PLAC8: variants seen among roughly 807,000 people sequenced by gnomAD.
The protein encoded by PLAC8 is placenta associated 8, also known as placenta-specific gene 8 protein.
A neutral mutation model predicts 12.6 loss-of-function variants in PLAC8; 6 were observed. That is an observed-to-expected ratio of 0.48 (90% CI 0.26 to 0.94). The LOEUF (loss-of-function observed/expected upper bound fraction) is 0.94, where lower values mean the gene tolerates loss of function less well. PLAC8 is among the 40% of genes least tolerant of loss of function. PLAC8 has a pLI of 0.14. For missense variants in PLAC8, 122 were observed against 152.7 expected (o/e 0.80, Z 1.06); for synonymous variants, 54 against 52.6 (o/e 1.03, Z -0.11).
intron 4 of PLAC8, chr4:83,092,810 C>CTTTTTTTTTTTTTTTTTTTTTTTTTTT (rs70946966): frequency 1.2e-5 from 1 of 84,886 alleles, no homozygotes; most frequent in Non-Finnish European, 2.2e-5. Flanking sequence ...TTTTCTTTTC[C>CTTTTTTTTTTTTTTTTTTTTTTTTTTT]TTTTTTTTTT....
chr4:83,098,413 T>A (rs1030631802), intron 3 of PLAC8, among the ~76,000 whole-genome samples: 1 of 152,212 alleles, frequency 6.6e-6, no homozygotes, highest in East Asian at 1.9e-4. Flanking sequence ...TTCTGTTTGA[T>A]GGAAAATTAT....
At chr4:83,113,232 G>A (rs985305247) in intron 1 of PLAC8, among the ~76,000 whole-genome samples, 3 of 152,164 alleles carry the variant, frequency 2.0e-5, no homozygotes, top group Non-Finnish European at 4.4e-5. Flanking sequence ...ACGGCTTGGT[G>A]AGCACGTAGC....
intron 1 of PLAC8, among the ~76,000 whole-genome samples, chr4:83,109,396 G>A (rs1732347940): frequency 6.6e-6 from 1 of 152,114 alleles, no homozygotes; most frequent in African/African-American, 2.4e-5. Context: ...AAAGAAGGAG[G>A]CGGACCCATC....
At chr4:83,094,657 G>A in intron 4 of PLAC8, 21 bp downstream of exon 4, 2 of 1,224,368 alleles carry the variant, frequency 1.6e-6, no homozygotes, top group South Asian at 1.3e-5. Flanking sequence ...TGTTCTGAGA[G>A]GCATGTTTGC....
Position 83,094,721 on chromosome 4 carries a change from T to C in PLAC8, c.314A>G (p.Asp105Gly). The C allele has an allele frequency of 1.2e-6, 2 of 1,606,192 alleles. No individual in the cohort carries two copies. Among genetic ancestry groups the C allele is most frequent in the Non-Finnish European group, 1.7e-6 (2 of 1,177,724 alleles). ...PHCTLCQIKR[D>G]INRRRAMRTF ...ACGCATGGCTCTCCTTCTGTTGATA[T>C]CTCTCTTGATTTGGCAAAGAGTACA... Residue 105 changes from aspartate (D) to glycine (G), a missense_variant, in exon 4 of 5, where the codon GAT becomes GGT. Asp to Gly is a moderately conservative substitution (Grantham distance 94, BLOSUM62 -1). Coordinates refer to ENST00000311507, the MANE Select transcript of PLAC8 (RefSeq NM_016619.3).
intron 1 of PLAC8, 138 bp downstream of exon 1, chr4:83,114,527 GA>G (rs1732488361): frequency 6.6e-6 from 1 of 151,528 alleles, no homozygotes; most frequent in African/African-American, 2.4e-5. Flanking sequence ...AATTAGATAA[GA>G]AAACCTTAGT....
rs1560456710 is a variant in PLAC8, at chr4:83,107,897, C to G, written c.25G>C (p.Val9Leu). The change falls in exon 2 of 5, where the codon GTT becomes CTT. Residue 9 changes from valine to leucine, a missense_variant. By Grantham distance (32) the Val-to-Leu change is conservative (BLOSUM62 1). Coordinates refer to ENST00000311507, the MANE Select transcript of PLAC8 (RefSeq NM_016619.3). Reference sequence around the variant, plus strand: ...GGACCGACTCCAGGTTGGGTCACAACGACCACCGGCGCCTGAGCTTGCATT... The same window carrying G: ...GGACCGACTCCAGGTTGGGTCACAAGGACCACCGGCGCCTGAGCTTGCATT... MQAQAPVVVVTQPGVGPGP... is the reference protein window; with the variant it reads MQAQAPVVLVTQPGVGPGP... The G allele has an allele frequency of 6.4e-7, 1 of 1,569,288 alleles. No individual in the cohort carries two copies. The highest frequency in any genetic ancestry group is 8.7e-7 in the Non-Finnish European group (1 of 1,155,592).
chr4:83,092,539 C>T (rs1021521308), intron 4 of PLAC8, among the ~76,000 whole-genome samples: 1 of 151,920 alleles, frequency 6.6e-6, no homozygotes, highest in African/African-American at 2.4e-5. Flanking sequence ...CCATGCCCAG[C>T]CTTAGATTCA....
chr4:83,093,395 T>C (rs1731853315), intron 4 of PLAC8: 2 of 152,352 alleles, frequency 1.3e-5, no homozygotes, highest in Admixed American at 1.3e-4. Flanking sequence ...AGCTCTCTCC[T>C]TAAGGATTCA....
intron 3 of PLAC8, among the ~76,000 whole-genome samples, chr4:83,096,681 T>C (rs951432322): frequency 1.3e-5 from 2 of 152,214 alleles, no homozygotes; most frequent in African/African-American, 2.4e-5. Flanking sequence ...CATAGACATA[T>C]AGAGTTTGGC....
intron 3 of PLAC8, among the ~76,000 whole-genome samples, chr4:83,097,856 GA>G (rs1370350222): frequency 1.4e-5 from 2 of 139,960 alleles, no homozygotes; most frequent in East Asian, 4.1e-4. Context: ...GTCTAGTTTT[GA>G]GGGTTTTTTT....
intron 4 of PLAC8, chr4:83,093,693 G>C (rs1731860620): frequency 6.6e-6 from 1 of 152,030 alleles, no homozygotes; most frequent in Admixed American, 6.6e-5. Context: ...GGCATTAATT[G>C]AATTCTGCAT....
At chr4:83,103,399 A>T (rs899866004) in intron 3 of PLAC8, among the ~76,000 whole-genome samples, 1 of 151,764 alleles carries the variant, frequency 6.6e-6, no homozygotes, top group Non-Finnish European at 1.5e-5. Context: ...ATCTCAACAA[A>T]GAAAGAAAGA....
chr4:83,091,394 C>A (rs569422236), intron 4 of PLAC8, among the ~76,000 whole-genome samples: 3 of 152,208 alleles, frequency 2.0e-5, no homozygotes, highest in Admixed American at 6.5e-5. Context: ...GTGGAATGTG[C>A]CTCAGTTTAG....
Position 83,090,956 on chromosome 4 carries a change from G to A in PLAC8, c.*25C>T, listed in dbSNP as rs1031665501. 3 of 151,918 alleles carry A rather than the reference G, an allele frequency of 2.0e-5. No individual in the cohort carries two copies. The highest frequency in any genetic ancestry group is 1.3e-4 in the Admixed American group (2 of 15,248). The allele number at this position is 151,918 out of a possible 1,614,324, so 9.4% of individuals were successfully genotyped here. On this transcript the variant is annotated 3_prime_UTR_variant, in exon 5 of 5. Transcript: ENST00000311507. ...GGTGTCTGCTGAATTTTGTTGCTTCGGTAAGAGCTTTTCACCTATAAAGGA... is the reference window on the plus strand; with the variant it reads ...GGTGTCTGCTGAATTTTGTTGCTTCAGTAAGAGCTTTTCACCTATAAAGGA...
intron 1 of PLAC8, among the ~76,000 whole-genome samples, chr4:83,109,050 G>A (rs754535488): frequency 6.6e-5 from 10 of 152,112 alleles, no homozygotes; most frequent in South Asian, 2.1e-4. Flanking sequence ...ATCATGAGAG[G>A]CAGTGTAGGG....
At chr4:83,092,315 C>T (rs907873752) in intron 4 of PLAC8, among the ~76,000 whole-genome samples, 1 of 152,162 alleles carries the variant, frequency 6.6e-6, no homozygotes, top group African/African-American at 2.4e-5. Flanking sequence ...AACTCCCCAT[C>T]TTTGCTTCTG....
chr4:83,113,316 C>G (rs1243511631), intron 1 of PLAC8, among the ~76,000 whole-genome samples: 1 of 152,196 alleles, frequency 6.6e-6, no homozygotes, highest in Non-Finnish European at 1.5e-5. Flanking sequence ...CTCTCGCATT[C>G]CCGGGAGCAC....
At chr4:83,103,042 C>T (rs1381374070) in intron 3 of PLAC8, among the ~76,000 whole-genome samples, 1 of 145,044 alleles carries the variant, frequency 6.9e-6, no homozygotes, top group African/African-American at 2.6e-5. Context: ...GCCGAGATGG[C>T]GCCACTGCAC....
Sources: allele counts gnomAD v4.1 joint callset (sites outside exome capture counted in the v4.1 genomes callset), GRCh38; gene constraint gnomAD v4.1.1; transcripts MANE v1.5; gene names NCBI Gene and HGNC (gene_info 2026-07-23, HGNC 2026-07-21).